The following P2RX7 variants were observed in gnomAD, a reference collection of about 807,000 sequenced individuals.
P2RX7 encodes the protein P2X purinoceptor 7.
In P2RX7, 62 loss-of-function variants were observed where a neutral mutation model predicts 71.6. The ratio of observed to expected loss-of-function variants is 0.87; its 90% CI spans 0.71 to 1.07. P2RX7 has a LOEUF of 1.07. P2RX7 is among the 50% of genes least tolerant of loss of function. The probability of loss-of-function intolerance (pLI) is 0.00; values close to 1 mark genes in which losing one functional copy is unlikely to be tolerated. For missense variants in P2RX7, 686 were observed against 748.5 expected, an observed-to-expected ratio of 0.92 and a Z score of 0.97; for synonymous variants, 299 against 283.3, an observed-to-expected ratio of 1.06 and a Z score of -0.56.
At chr12:121,151,890 T>C (rs1171292367) in intron 1 of P2RX7, among the ~76,000 whole-genome samples, 1 of 152,190 alleles carries the variant, frequency 6.6e-6, no homozygotes, top group East Asian at 1.9e-4. Flanking sequence ...TGGCCTTTTG[T>C]GACTGGTCTC....
chr12:121,159,552 G>A (rs1385938205), intron 3 of P2RX7, among the ~76,000 whole-genome samples: 1 of 152,042 alleles, frequency 6.6e-6, no homozygotes, highest in Non-Finnish European at 1.5e-5. Flanking sequence ...CCAAGACCTA[G>A]GTCCTTGACC....
chr12:121,175,326 AAAAC>A, intron 8 of P2RX7, 58 bp from the exon 9 acceptor site: 1 of 1,025,162 alleles, frequency 9.8e-7, no homozygotes, highest in Non-Finnish European at 1.5e-6. Flanking sequence ...AAAAAAAAAA[AAAAC>A]CCAAAACCCA....
chr12:121,135,298 A>G (rs1425452664), intron 1 of P2RX7, among the ~76,000 whole-genome samples: 2 of 152,268 alleles, frequency 1.3e-5, no homozygotes, highest in East Asian at 3.9e-4. Flanking sequence ...AGATCAAGCC[A>G]CTGCACTCCA....
At position 121,187,174 on chromosome 12, in the gene P2RX7, C is replaced by G. The variant is rs189250043; in HGVS notation, c.*2372C>G. 17 of 152,272 alleles carry G rather than the reference C, an allele frequency of 1.1e-4. No homozygotes were observed. In the East Asian group the frequency reaches 3.1e-3, roughly 28 times the overall value. The allele number at this position is 152,272 out of a possible 1,614,324, so 9.4% of individuals were successfully genotyped here. On this transcript the variant is annotated 3_prime_UTR_variant, in exon 13 of 13. Coordinates refer to ENST00000328963, the MANE Select transcript of P2RX7 (RefSeq NM_002562.6). ...GCTATTTTATCGAATAGTTTAGAGACCACTATTAAATATTGTGACTGATGA... is the reference window on the plus strand; with the variant it reads ...GCTATTTTATCGAATAGTTTAGAGAGCACTATTAAATATTGTGACTGATGA...
At chr12:121,136,023 A>AAAAAAAAATAT in intron 1 of P2RX7, among the ~76,000 whole-genome samples, 3 of 15,260 alleles carry the variant, frequency 2.0e-4, no homozygotes, top group African/African-American at 3.7e-4. Context: ...AAAAAAAAAA[A>AAAAAAAAATAT]ATATATATAT....
In P2RX7 at chr12:121,181,862, A is replaced by G. The variant is rs1374151105; in HGVS notation, c.1290+1407A>G. Among the ~76,000 whole-genome samples, 10 of 151,940 alleles carry G rather than the reference A, an allele frequency of 6.6e-5. 1 individual carries two copies. Among genetic ancestry groups the G allele is most frequent in the African/African-American group, 2.4e-4 (10 of 41,390 alleles). ...GCGGATCACCTGAGGTCAGGAGTTC[A>G]GGAACAGCCTGGCCAACATGGCGAA... On this transcript the variant is annotated intron_variant, in intron 12 of 12. Transcript: ENST00000328963.
intron 1 of P2RX7, among the ~76,000 whole-genome samples, chr12:121,136,374 A>G (rs573174582): frequency 3.0e-4 from 46 of 151,924 alleles, no homozygotes; most frequent in Non-Finnish European, 6.2e-4. Flanking sequence ...GCTGGAGTGC[A>G]GTGTCATTAT....
intron 1 of P2RX7, among the ~76,000 whole-genome samples, chr12:121,140,967 T>C (rs1874716633): frequency 6.6e-6 from 1 of 151,926 alleles, no homozygotes; most frequent in Non-Finnish European, 1.5e-5. Flanking sequence ...ATGCCTGTAA[T>C]CCCAGCTACT....
At position 121,154,706 on chromosome 12, in the gene P2RX7, T is replaced by C; in HGVS notation, c.126-79T>C. 2.3e-6 allele frequency: 2 copies of C among 881,552 alleles called. No homozygotes were observed. The highest frequency in any genetic ancestry group is 3.9e-6 in the Non-Finnish European group (2 of 512,966). 54.6% of individuals were successfully genotyped at this position (881,552 alleles called of 1,614,324 possible). On this transcript the variant is annotated intron_variant, in intron 1 of 12. Coordinates refer to ENST00000328963, the MANE Select transcript of P2RX7 (RefSeq NM_002562.6). The surrounding 1 kb of genome is among the most constrained non-coding windows in gnomAD (Gnocchi z 4.2). ...AGCAGAGCTAGGATTGGAACAGAAG[T>C]GCCTGCATCCTCCAACGCCTGCATC...
At chr12:121,162,363 G>A (rs1879901742) in intron 4 of P2RX7, 61 bp from the exon 5 acceptor site, 1 of 1,600,406 alleles carries the variant, frequency 6.2e-7, no homozygotes, top group African/African-American at 1.3e-5. Flanking sequence ...GTCCCTCCTG[G>A]AGAACGTCCT....
intron 1 of P2RX7, among the ~76,000 whole-genome samples, chr12:121,136,023 A>AAAAAAAAAAAAAAAAAT: frequency 6.6e-5 from 1 of 15,256 alleles, no homozygotes; most frequent in African/African-American, 1.2e-4. Context: ...AAAAAAAAAA[A>AAAAAAAAAAAAAAAAAT]ATATATATAT....
chr12:121,157,499 C>T (rs1593059801), intron 3 of P2RX7, among the ~76,000 whole-genome samples: 2 of 152,314 alleles, frequency 1.3e-5, no homozygotes, highest in African/African-American at 2.4e-5. Context: ...CTCTGACAGC[C>T]AGGCCAGCCA....
At position 121,187,564 on chromosome 12, in the gene P2RX7, C is replaced by T. The variant is rs1385751086; in HGVS notation, c.*2762C>T. 1.3e-5 allele frequency: 2 copies of T among 152,102 alleles called. No individual in the cohort carries two copies. The highest frequency in any genetic ancestry group is 2.1e-4 in the South Asian group (1 of 4,822). 9.4% of individuals were successfully genotyped at this position (152,102 alleles called of 1,614,324 possible). A position where few individuals can be genotyped will look rare whatever the true frequency, so the allele number is the denominator to read the frequency against. On this transcript the variant is annotated 3_prime_UTR_variant, in exon 13 of 13. Coordinates refer to ENST00000328963, the MANE Select transcript of P2RX7 (RefSeq NM_002562.6). ...TATGTTTCTATCACCTTAATGAGGCCGCAGATGGAGTCAGAATGTGAAATT... is the reference window on the plus strand; with the variant it reads ...TATGTTTCTATCACCTTAATGAGGCTGCAGATGGAGTCAGAATGTGAAATT...
In P2RX7 at chr12:121,149,055, G is replaced by T; in HGVS notation, c.126-5730G>T. On this transcript the variant is annotated intron_variant, in intron 1 of 12. Coordinates refer to ENST00000328963, the MANE Select transcript of P2RX7 (RefSeq NM_002562.6). The surrounding 1 kb of genome is among the most constrained non-coding windows in gnomAD (Gnocchi z 4.7). ...TGCTGAAAGGGAGGTCCTCCCTGCA[G>T]AGCTTGAAGAGCAATCTAACCATGC... 1 of 584,304 alleles carries T rather than the reference G, an allele frequency of 1.7e-6. No homozygotes were observed. Among genetic ancestry groups the T allele is most frequent in the Non-Finnish European group, 3.4e-6 (1 of 297,404 alleles). 36.2% of individuals were successfully genotyped at this position (584,304 alleles called of 1,614,324 possible).
At chr12:121,137,152 G>A (rs896955600) in intron 1 of P2RX7, among the ~76,000 whole-genome samples, 2 of 152,168 alleles carry the variant, frequency 1.3e-5, no homozygotes, top group Non-Finnish European at 2.9e-5. Flanking sequence ...TTCAGCAACC[G>A]GGTTCGCTGG....
rs370868271 is a variant in P2RX7 at position 121,138,466 on chromosome 12, C to G, written c.125+5371C>G. Among the ~76,000 whole-genome samples the G allele has an allele frequency of 1.7e-4, 26 of 152,348 alleles. 3 individuals carry two copies. Among genetic ancestry groups the G allele is most frequent in the African/African-American group, 6.3e-4 (26 of 41,582 alleles). ...ATCACTGTGGCCAGGGCCAAGGTGT[C>G]ATCCCATTGGCCAGCCTGGGTCATG... On this transcript the variant is annotated intron_variant, in intron 1 of 12. Transcript: ENST00000328963.
At chr12:121,165,713 C>T (rs1399824058) in intron 6 of P2RX7, among the ~76,000 whole-genome samples, 1 of 152,216 alleles carries the variant, frequency 6.6e-6, no homozygotes, top group Admixed American at 6.5e-5. Context: ...CTCAGTTCCT[C>T]ACCACGTGAA....
At chr12:121,155,333 A>T in intron 2 of P2RX7, 6 of 1,301,028 alleles carry the variant, frequency 4.6e-6, no homozygotes, top group Non-Finnish European at 6.0e-6. Context: ...TAGATTGTGT[A>T]GCATTTCATC....
chr12:121,175,250 G>T (rs1882874824), intron 8 of P2RX7, 138 bp from the exon 9 acceptor site: 1 of 556,356 alleles, frequency 1.8e-6, no homozygotes, highest in Non-Finnish European at 3.2e-6. Context: ...AGTCAAGGCT[G>T]CAGTGAGTGG....
Sources: allele counts gnomAD v4.1 joint callset (sites outside exome capture counted in the v4.1 genomes callset), GRCh38; gene constraint gnomAD v4.1.1; non-coding constraint Gnocchi (gnomAD v3.1); transcripts MANE v1.5; gene names NCBI Gene and HGNC (gene_info 2026-07-23, HGNC 2026-07-21).